DPYD: variants seen among roughly 807,000 people sequenced by gnomAD.
DPYD encodes dihydropyrimidine dehydrogenase [NADP(+)].
DPYD carries 109 observed loss-of-function variants against 116.2 expected under a neutral mutation model. That is an observed-to-expected ratio of 0.94 (90% CI 0.80 to 1.10). The LOEUF (loss-of-function observed/expected upper bound fraction) is 1.10, where lower values mean the gene tolerates loss of function less well. Among genes scored for constraint, DPYD ranks in the 50% least tolerant of loss-of-function variants. DPYD has a pLI of 0.00. For missense variants in DPYD, 1,302 were observed against 1,254.5 expected, an observed-to-expected ratio of 1.04 and a Z score of -0.57; for synonymous variants, 440 against 432.0, an observed-to-expected ratio of 1.02 and a Z score of -0.23.
chr1:97,585,181 C>T (rs1403059386), intron 10 of DPYD, among the ~76,000 whole-genome samples: 2 of 151,990 alleles, frequency 1.3e-5, no homozygotes, highest in Non-Finnish European at 1.5e-5. Context: ...GAGTCAGATA[C>T]CAAGTTGAAT....
rs74459137 is a variant in DPYD, at chr1:97,395,931, A to T, written c.1906-13470T>A. Among the ~76,000 whole-genome samples, 166 of 152,142 alleles carry T rather than the reference A, an allele frequency of 1.1e-3. 1 individual carries two copies. The East Asian group carries it at 0.014, about 13-fold the overall frequency. On this transcript the variant is annotated intron_variant, in intron 14 of 22. Coordinates refer to ENST00000370192, the MANE Select transcript of DPYD (RefSeq NM_000110.4). ...ATTAGCCAGTCCCTAGCCCACCTGG[A>T]ACTTGACCACAGATGGCATAAGACC...
chr1:97,812,966 G>T (rs1170068772), intron 3 of DPYD, among the ~76,000 whole-genome samples: 1 of 152,074 alleles, frequency 6.6e-6, no homozygotes, highest in Non-Finnish European at 1.5e-5. Flanking sequence ...CAGATGAACA[G>T]ATTATAATCC....
chr1:97,433,566 TG>T (rs1161830658), intron 14 of DPYD, among the ~76,000 whole-genome samples: 1 of 152,178 alleles, frequency 6.6e-6, no homozygotes, highest in Non-Finnish European at 1.5e-5. Context: ...TTATATCTTT[TG>T]TTATGGTTAT....
intron 8 of DPYD, among the ~76,000 whole-genome samples, chr1:97,641,515 T>C (rs962714053): frequency 6.6e-6 from 1 of 152,112 alleles, no homozygotes; most frequent in Non-Finnish European, 1.5e-5. Flanking sequence ...ATTATCTCAA[T>C]AGATGCAGAA....
At chr1:97,341,067 AAGG>A (rs1180672802) in intron 16 of DPYD, among the ~76,000 whole-genome samples, 1 of 152,164 alleles carries the variant, frequency 6.6e-6, no homozygotes, top group Non-Finnish European at 1.5e-5. Context: ...AGAGAAATTG[AAGG>A]AGGAGTACCA....
At chr1:97,614,293 TAGA>T (rs1656134684) in intron 8 of DPYD, among the ~76,000 whole-genome samples, 1 of 152,088 alleles carries the variant, frequency 6.6e-6, no homozygotes, top group Non-Finnish European at 1.5e-5. Context: ...AGACTTGAGC[TAGA>T]AGAATTAGTT....
intron 16 of DPYD, chr1:97,323,070 C>G (rs536218343): frequency 1.3e-5 from 2 of 150,312 alleles, no homozygotes; most frequent in Non-Finnish European, 3.0e-5. Context: ...TTGAGTTGAA[C>G]TTGGTTTTCC....
intron 8 of DPYD, among the ~76,000 whole-genome samples, chr1:97,625,014 C>A (rs544221506): frequency 6.6e-6 from 1 of 151,940 alleles, no homozygotes; most frequent in South Asian, 2.1e-4. Context: ...TAAGTGTGTG[C>A]TTTTTTCTTT....
chr1:97,257,452 T>TATATATATATATATATATATAGAGAGAG (rs375490078), intron 18 of DPYD, among the ~76,000 whole-genome samples: 8 of 126,470 alleles, frequency 6.3e-5, no homozygotes, highest in African/African-American at 2.5e-4. Context: ...TATATATATA[T>TATATATATATATATATATATAGAGAGAG]AGAGAGAGAG....
chr1:97,775,858 C>T (rs1472168738), intron 3 of DPYD, among the ~76,000 whole-genome samples: 2 of 152,258 alleles, frequency 1.3e-5, no homozygotes, highest in South Asian at 2.1e-4. Context: ...CTGAATATTA[C>T]TGAGTTTGTC....
chr1:97,571,158 A>G (rs1024177790), intron 11 of DPYD, among the ~76,000 whole-genome samples: 17 of 152,014 alleles, frequency 1.1e-4, no homozygotes, highest in Non-Finnish European at 2.1e-4. Flanking sequence ...GAGAAAATGA[A>G]CAAATTCTGA....
chr1:97,401,353 TC>T (rs1673369324), intron 14 of DPYD, among the ~76,000 whole-genome samples: 1 of 152,036 alleles, frequency 6.6e-6, no homozygotes, highest in Non-Finnish European at 1.5e-5. Flanking sequence ...TTGCTCTGTC[TC>T]CCAGGATGGA....
intron 6 of DPYD, among the ~76,000 whole-genome samples, chr1:97,696,086 C>T (rs756332497): frequency 1.3e-5 from 2 of 149,116 alleles, no homozygotes; most frequent in Admixed American, 6.7e-5. Context: ...GCCAAGATCT[C>T]GCCACTGCAC....
chr1:97,247,323 A>C (rs1662784921), intron 18 of DPYD, among the ~76,000 whole-genome samples: 1 of 152,192 alleles, frequency 6.6e-6, no homozygotes, highest in Non-Finnish European at 1.5e-5. Flanking sequence ...AGATCTCCTA[A>C]AGTATTACCT....
intron 3 of DPYD, among the ~76,000 whole-genome samples, chr1:97,804,460 T>A (rs1667989342): frequency 6.6e-6 from 1 of 151,824 alleles, no homozygotes; most frequent in Admixed American, 6.6e-5. Flanking sequence ...TGCTATACAA[T>A]TTCATTAAGA....
intron 2 of DPYD, among the ~76,000 whole-genome samples, chr1:97,858,664 CTAATA>C (rs1307124861): frequency 5.9e-5 from 9 of 151,916 alleles, no homozygotes; most frequent in Non-Finnish European, 1.5e-5. Flanking sequence ...AGTTATGATA[CTAATA>C]TATTTACCAA....
chr1:97,856,952 T>C (rs1670875792), intron 2 of DPYD: 2 of 152,276 alleles, frequency 1.3e-5, no homozygotes, highest in Admixed American at 6.5e-5. Flanking sequence ...CTATCATTCA[T>C]TCTGTTAAAC....
chr1:97,837,623 G>A (rs892335348), intron 2 of DPYD, among the ~76,000 whole-genome samples: 1 of 152,046 alleles, frequency 6.6e-6, no homozygotes, highest in African/African-American at 2.4e-5. Context: ...ACACCAGACA[G>A]TTATTTCAAA....
At chr1:97,246,122 C>T (rs2100791237) in intron 18 of DPYD, among the ~76,000 whole-genome samples, 1 of 152,194 alleles carries the variant, frequency 6.6e-6, no homozygotes, top group African/African-American at 2.4e-5. Context: ...ACTGACCAGG[C>T]ACTTTGAAAA....
Sources: gnomAD v4.1 joint callset for allele counts (sites outside exome capture counted in the v4.1 genomes callset) on GRCh38, gnomAD v4.1.1 for gene constraint, MANE v1.5 for transcripts, NCBI Gene and HGNC (gene_info 2026-07-23, HGNC 2026-07-21) for gene names.